Variants in KDM4C observed in about 807,000 individuals in gnomAD.
The protein encoded by KDM4C is lysine-specific demethylase 4C.
A neutral mutation model predicts 129.3 loss-of-function variants in KDM4C; 81 were observed. The observed-to-expected ratio is 0.63, with a 90% CI of 0.52 to 0.75. The LOEUF (loss-of-function observed/expected upper bound fraction) is 0.75. Among genes scored for constraint, KDM4C ranks in the 30% least tolerant of loss-of-function variants. The pLI, the probability that KDM4C is intolerant of heterozygous loss-of-function variation, is 0.00. For missense variants in KDM4C, 1,457 were observed against 1,304.0 expected (o/e 1.12, Z -1.81); for synonymous variants, 573 against 456.1 (o/e 1.26, Z -3.26).
At chr9:7,084,851 A>G (rs928087963) in intron 17 of KDM4C, among the ~76,000 whole-genome samples, 1 of 152,206 alleles carries the variant, frequency 6.6e-6, no homozygotes, top group African/African-American at 2.4e-5. Context: ...ACAAGAACAT[A>G]TGGGTTCAAG....
intron 12 of KDM4C, among the ~76,000 whole-genome samples, chr9:6,993,117 C>G (rs2131944964): frequency 6.6e-6 from 1 of 152,192 alleles, no homozygotes; most frequent in East Asian, 1.9e-4. Flanking sequence ...GACTCCTAGC[C>G]TGTTATTTTC....
intron 17 of KDM4C, among the ~76,000 whole-genome samples, chr9:7,061,329 T>C (rs1831638494): frequency 6.6e-6 from 1 of 152,238 alleles, no homozygotes; most frequent in African/African-American, 2.4e-5. Context: ...TCATGTCCTT[T>C]GAGAAACCTG....
At chr9:7,019,534 A>G (rs1413420547) in intron 15 of KDM4C, among the ~76,000 whole-genome samples, 1 of 151,612 alleles carries the variant, frequency 6.6e-6, no homozygotes, top group Admixed American at 6.6e-5. Context: ...AGTTTGAGAC[A>G]CGTGATTATA....
intron 1 of KDM4C, among the ~76,000 whole-genome samples, chr9:6,737,498 T>TAAA (rs113407900): frequency 2.7e-5 from 4 of 149,950 alleles, no homozygotes; most frequent in Non-Finnish European, 5.9e-5. Flanking sequence ...CCATCTCTAC[T>TAAA]AAAAAAAATA....
chr9:6,824,863 G>A lies in KDM4C; in HGVS notation c.435+10118G>A, dbSNP rs528011648. Among the ~76,000 whole-genome samples the A allele has an allele frequency of 2.2e-4, 33 of 152,090 alleles. 2 individuals carry two copies. The South Asian group carries it at 6.6e-3, about 31-fold the overall frequency. On this transcript the variant is annotated intron_variant, in intron 4 of 21. Transcript: ENST00000381309. ...ATGTCTAGCTCAATAGAAGATTGTG[G>A]CCAGGTACGGTGGCTCACACCCATA... is the stretch of plus-strand genomic sequence containing the variant.
At chr9:6,892,931 G>A (rs1173477914) in intron 7 of KDM4C, among the ~76,000 whole-genome samples, 164 bp from the exon 8 acceptor site, 2 of 152,100 alleles carry the variant, frequency 1.3e-5, no homozygotes, top group Admixed American at 6.5e-5. Flanking sequence ...TCCTGAAAAA[G>A]CACTATTAAA....
intron 7 of KDM4C, among the ~76,000 whole-genome samples, chr9:6,891,234 T>C (rs113694434): frequency 0.022 from 3,411 of 152,242 alleles, 50 homozygotes; most frequent in Middle Eastern, 0.044. Context: ...CCATTATTCC[T>C]AGTGCCCAAA....
chr9:6,828,065 C>T (rs1834174221), intron 4 of KDM4C, among the ~76,000 whole-genome samples: 1 of 152,134 alleles, frequency 6.6e-6, no homozygotes, highest in Non-Finnish European at 1.5e-5. Context: ...AGTTAAAGCC[C>T]ATGTGGTTGT....
chr9:6,939,976 A>T (rs7859908), intron 8 of KDM4C, among the ~76,000 whole-genome samples: 1,603 of 93,266 alleles, frequency 0.017, 22 homozygotes, highest in South Asian at 0.043. Context: ...CTACCTACCT[A>T]CCTTCCTTCC....
chr9:6,865,215 T>A (rs140089510), intron 5 of KDM4C, among the ~76,000 whole-genome samples: 1,764 of 152,122 alleles, frequency 0.012, 26 homozygotes, highest in African/African-American at 0.038. Context: ...TCACCGTGTT[T>A]GCCAGGATGG....
chr9:6,771,188 C>G (rs935467298), intron 1 of KDM4C, among the ~76,000 whole-genome samples: 1 of 149,546 alleles, frequency 6.7e-6, no homozygotes, highest in Non-Finnish European at 1.5e-5. Context: ...TTGGCCTCCC[C>G]CCAAAGTGCT....
At chr9:6,982,383 A>G (rs1194325125) in intron 9 of KDM4C, 1 of 152,162 alleles carries the variant, frequency 6.6e-6, no homozygotes, top group African/African-American at 2.4e-5. Flanking sequence ...AATGATCGTC[A>G]AAGTGTTTGT....
intron 18 of KDM4C, among the ~76,000 whole-genome samples, chr9:7,121,082 T>C (rs1426002375): frequency 2.6e-5 from 4 of 152,226 alleles, no homozygotes; most frequent in Non-Finnish European, 4.4e-5. Context: ...TTCTCAGTGT[T>C]CCTTTTTTCT....
chr9:7,086,822 A>G (rs1051079987), intron 17 of KDM4C, among the ~76,000 whole-genome samples: 1 of 152,066 alleles, frequency 6.6e-6, no homozygotes, highest in Non-Finnish European at 1.5e-5. Flanking sequence ...TCTCAAACAT[A>G]CTTTTTTCTA....
intron 18 of KDM4C, among the ~76,000 whole-genome samples, chr9:7,112,269 T>C (rs1564132826): frequency 6.6e-6 from 1 of 152,158 alleles, no homozygotes; most frequent in African/African-American, 2.4e-5. Context: ...TTCTGCTTTA[T>C]TCTACAGTGG....
At chr9:6,777,916 CTTTT>C (rs35889810) in intron 1 of KDM4C, among the ~76,000 whole-genome samples, 1 of 137,668 alleles carries the variant, frequency 7.3e-6, no homozygotes, top group Non-Finnish European at 1.6e-5. Flanking sequence ...GTTTTCAGGC[CTTTT>C]TTTTTTTTTT....
At chr9:7,017,492 A>G (rs1823903329) in intron 15 of KDM4C, among the ~76,000 whole-genome samples, 1 of 152,172 alleles carries the variant, frequency 6.6e-6, no homozygotes. Context: ...AAATAATAAT[A>G]ATAATAATGT....
chr9:6,802,428 G>C (rs1829182045), intron 2 of KDM4C, among the ~76,000 whole-genome samples: 1 of 152,306 alleles, frequency 6.6e-6, no homozygotes, highest in East Asian at 1.9e-4. Flanking sequence ...GGATGTTTTA[G>C]AGACCCATGT....
At chr9:6,823,330 C>T (rs1278005746) in intron 4 of KDM4C, among the ~76,000 whole-genome samples, 2 of 152,168 alleles carry the variant, frequency 1.3e-5, no homozygotes, top group African/African-American at 4.8e-5. Context: ...GGTAGCTTAT[C>T]CTCACTGTCA....
Sources: allele counts gnomAD v4.1 joint callset (sites outside exome capture counted in the v4.1 genomes callset), GRCh38; gene constraint gnomAD v4.1.1; transcripts MANE v1.5; gene names NCBI Gene and HGNC (gene_info 2026-07-23, HGNC 2026-07-21).